PRKG1: variants seen among roughly 807,000 people sequenced by gnomAD.
PRKG1 encodes protein kinase cGMP-dependent 1.
In PRKG1, 35 loss-of-function variants were observed where a neutral mutation model predicts 88.1. The ratio of observed to expected loss-of-function variants is 0.40; its 90% CI spans 0.30 to 0.53. The LOEUF (loss-of-function observed/expected upper bound fraction) is 0.53. Ranked by LOEUF, PRKG1 falls within the 20% of genes least tolerant of loss-of-function variation. The probability of loss-of-function intolerance (pLI) is 0.59; values close to 1 mark genes in which losing one functional copy is unlikely to be tolerated. For synonymous variants in PRKG1, 303 were observed against 292.5 expected, an observed-to-expected ratio of 1.04 and a Z score of -0.37; for missense variants, 540 against 839.8, an observed-to-expected ratio of 0.64 and a Z score of 4.41.
chr10:51,856,547 C>T (rs888607823), intron 4 of PRKG1, among the ~76,000 whole-genome samples: 1 of 151,822 alleles, frequency 6.6e-6, no homozygotes, highest in African/African-American at 2.4e-5. Flanking sequence ...CTTTTTTTTG[C>T]CCCAGTTTCT....
At chr10:51,252,642 T>TTA (rs1219936873) in intron 2 of PRKG1, among the ~76,000 whole-genome samples, 1 of 151,804 alleles carries the variant, frequency 6.6e-6, no homozygotes, top group Non-Finnish European at 1.5e-5. Context: ...TGAACACTTC[T>TTA]TATAGTAGTG....
intron 2 of PRKG1, among the ~76,000 whole-genome samples, chr10:51,449,666 T>TATATATATATATATATATAAA (rs1296905515): frequency 1.0e-5 from 1 of 99,030 alleles, no homozygotes; most frequent in African/African-American, 4.4e-5. Flanking sequence ...TCTTATAATA[T>TATATATATATATATATATAAA]TATTTGGATA....
chr10:52,210,318 T>TAAGAAAC (rs1839934686), intron 9 of PRKG1, among the ~76,000 whole-genome samples: 1 of 151,882 alleles, frequency 6.6e-6, no homozygotes, highest in Non-Finnish European at 1.5e-5. Flanking sequence ...CTAGATCTTA[T>TAAGAAAC]TTTAGTTTCT....
intron 3 of PRKG1, among the ~76,000 whole-genome samples, chr10:51,637,230 C>G (rs868859748): frequency 1.8e-4 from 28 of 152,164 alleles, no homozygotes; most frequent in South Asian, 1.0e-3. Context: ...TCATCTCACA[C>G]CAGTCAGAAT....
chr10:52,159,140 C>T (rs563985131), intron 8 of PRKG1, among the ~76,000 whole-genome samples: 41 of 151,492 alleles, frequency 2.7e-4, no homozygotes, highest in Non-Finnish European at 5.2e-4. Context: ...CTTAATTTCT[C>T]CATTCAGTTT....
intron 3 of PRKG1, among the ~76,000 whole-genome samples, chr10:51,496,233 T>C (rs1840849974): frequency 6.6e-6 from 1 of 152,164 alleles, no homozygotes; most frequent in South Asian, 2.1e-4. Flanking sequence ...ACTCAATGTG[T>C]TTATTGTGTG....
At chr10:51,094,291 G>C (rs1046394512) in intron 1 of PRKG1, among the ~76,000 whole-genome samples, 1 of 151,868 alleles carries the variant, frequency 6.6e-6, no homozygotes, top group Admixed American at 6.6e-5. Context: ...CAGTCTGTAC[G>C]TGAAGATAGA....
At chr10:51,392,608 G>A (rs1302587634) in intron 2 of PRKG1, among the ~76,000 whole-genome samples, 2 of 150,768 alleles carry the variant, frequency 1.3e-5, no homozygotes, top group East Asian at 3.9e-4. Flanking sequence ...CCACAAAACC[G>A]CCATTGTCAT....
chr10:51,682,529 G>A (rs935731590), intron 3 of PRKG1, among the ~76,000 whole-genome samples: 2 of 152,174 alleles, frequency 1.3e-5, no homozygotes, highest in African/African-American at 4.8e-5. Context: ...CATGTTTCAT[G>A]TGGCTCCTAG....
intron 7 of PRKG1, among the ~76,000 whole-genome samples, chr10:52,078,192 C>T (rs930103549): frequency 9.2e-5 from 14 of 152,280 alleles, no homozygotes; most frequent in African/African-American, 3.1e-4. Flanking sequence ...ATTTGCTAAC[C>T]TGGAGAAATA....
chr10:51,848,092 TAAC>T (rs1292773627), intron 4 of PRKG1, among the ~76,000 whole-genome samples: 1 of 151,956 alleles, frequency 6.6e-6, no homozygotes, highest in Non-Finnish European at 1.5e-5. Flanking sequence ...CTCCCTAACA[TAAC>T]AATAGGAAGC....
At chr10:52,255,758 G>A (rs1362505222) in intron 10 of PRKG1, among the ~76,000 whole-genome samples, 3 of 151,960 alleles carry the variant, frequency 2.0e-5, no homozygotes, top group Non-Finnish European at 2.9e-5. Context: ...CATTTCTGAG[G>A]CAGAGGGAGA....
At chr10:51,279,048 G>A (rs919736598) in intron 2 of PRKG1, among the ~76,000 whole-genome samples, 2 of 152,034 alleles carry the variant, frequency 1.3e-5, no homozygotes, top group Non-Finnish European at 2.9e-5. Context: ...TGCAATGTTA[G>A]GGTGTCAATT....
chr10:51,532,128 G>A (rs904246906), intron 3 of PRKG1, among the ~76,000 whole-genome samples: 1 of 152,140 alleles, frequency 6.6e-6, no homozygotes, highest in African/African-American at 2.4e-5. Flanking sequence ...CTCAGTGAGG[G>A]AAGTTAAAGC....
At position 52,127,880 on chromosome 10, in the gene PRKG1, T is replaced by C. The variant is rs529153763; in HGVS notation, c.936-5960T>C. 5.3e-5 allele frequency among the ~76,000 whole-genome samples: 8 copies of C among 152,320 alleles called. No homozygotes were observed. The East Asian group carries it at 5.8e-4, about 11-fold the overall frequency. ...ACTTAGTGGAAAGTGGAATTAGTGA[T>C]TGACCTGATATGACTTTTCCTTAAA... On this transcript the variant is annotated intron_variant, in intron 7 of 17. Coordinates refer to ENST00000373980, the MANE Select transcript of PRKG1 (RefSeq NM_006258.4).
intron 3 of PRKG1, among the ~76,000 whole-genome samples, chr10:51,795,150 T>G (rs1838976442): frequency 6.6e-6 from 1 of 152,160 alleles, no homozygotes; most frequent in Admixed American, 6.6e-5. Flanking sequence ...CAACAATTAT[T>G]GGAAGTCACC....
intron 4 of PRKG1, among the ~76,000 whole-genome samples, chr10:51,813,417 A>T (rs948545848): frequency 1.3e-5 from 2 of 152,214 alleles, no homozygotes; most frequent in East Asian, 3.8e-4. Context: ...CCCTCCCACT[A>T]TCAAGGACCA....
chr10:52,196,963 A>G lies in PRKG1; in HGVS notation c.1076+35000A>G, dbSNP rs367865741. Reference sequence around the variant, plus strand: ...ATCTCTAAATCTGTGTTCATCTTAGACAATACTTTAGGCAATAATAATAAT... The same window carrying G: ...ATCTCTAAATCTGTGTTCATCTTAGGCAATACTTTAGGCAATAATAATAAT... On this transcript the variant is annotated intron_variant, in intron 9 of 17. Transcript: ENST00000373980. 1.4e-4 allele frequency among the ~76,000 whole-genome samples: 21 copies of G among 152,192 alleles called. 1 individual carries two copies. The highest frequency in any genetic ancestry group is 1.3e-3 in the East Asian group (7 of 5,198).
chr10:51,614,833 G>A (rs1039640323), intron 3 of PRKG1, among the ~76,000 whole-genome samples: 13 of 151,822 alleles, frequency 8.6e-5, no homozygotes, highest in African/African-American at 2.2e-4. Flanking sequence ...TGCTTGTCTG[G>A]GAAATGCTTT....
Sources: gnomAD v4.1 joint callset for allele counts (sites outside exome capture counted in the v4.1 genomes callset) on GRCh38, gnomAD v4.1.1 for gene constraint, MANE v1.5 for transcripts, NCBI Gene and HGNC (gene_info 2026-07-23, HGNC 2026-07-21) for gene names.